The following HOOK2 variants were observed in gnomAD, a reference collection of about 807,000 sequenced individuals.
HOOK2 encodes protein Hook homolog 2.
HOOK2 carries 108 observed loss-of-function variants against 111.9 expected under a neutral mutation model. The observed-to-expected ratio is 0.96, with a 90% CI of 0.83 to 1.13. HOOK2 has a LOEUF of 1.13. Ranked by LOEUF, HOOK2 falls within the 50% of genes most tolerant of loss-of-function variation. The pLI, the probability that HOOK2 is intolerant of heterozygous loss-of-function variation, is 0.00. For synonymous variants in HOOK2, 405 were observed against 394.3 expected, an observed-to-expected ratio of 1.03 and a Z score of -0.32; for missense variants, 978 against 951.3, an observed-to-expected ratio of 1.03 and a Z score of -0.37.
rs1275895565 is a variant in HOOK2 at position 12,790,083 on chromosome 19, C to T, written n.42-15858G>A. 2.0e-5 allele frequency among the ~76,000 whole-genome samples: 3 copies of T among 151,918 alleles called. No individual in the cohort carries two copies. Among genetic ancestry groups the T allele is most frequent in the Non-Finnish European group, 4.4e-5 (3 of 67,932 alleles). On this transcript the variant is annotated intron_variant and non_coding_transcript_variant, in intron 3 of 3. Coordinates refer to the HOOK2 transcript ENST00000589765. This position sits in a 1 kb window ranked among gnomAD's most constrained non-coding sequence, Gnocchi z 7.2. ...CCGCCGTCGGGCCAATGGAACACTC[C>T]CCAAGCCGCCTGCCTCCGCGGTCCC...
intron 20 of HOOK2, among the ~76,000 whole-genome samples, chr19:12,764,078 A>G (rs1414547081): frequency 2.0e-5 from 3 of 151,886 alleles, no homozygotes; most frequent in Non-Finnish European, 4.4e-5. Context: ...GAAGTGGCGC[A>G]CTCTCAGCTC....
At chr19:12,766,798 T>C (rs1968165867) in intron 14 of HOOK2, among the ~76,000 whole-genome samples, 1 of 152,066 alleles carries the variant, frequency 6.6e-6, no homozygotes, top group South Asian at 2.1e-4. Flanking sequence ...TTAGCCAGGA[T>C]GGTCTCGATC....
Position 12,773,010 on chromosome 19 carries a change from A to G in HOOK2, c.239T>C (p.Val80Ala). Residue 80 changes from valine to alanine, a missense_variant, in exon 4 of 23, where the codon GTA becomes GCA. Val to Ala is a moderately conservative substitution (Grantham distance 64, BLOSUM62 0). Around this residue, in one of 5 missense-constraint regions of HOOK2, gnomAD observed 301 missense variants for 286.1 expected, o/e 1.05. Transcript: ENST00000397668. ...GTTACTCACATCCTGGGAGTACTCT[A>G]CTAGGCTCCGTAAGACCATCTTCAG... Reference protein sequence around the residue: ...SNLKMVLRSLVEYSQDVLAHP... With the variant: ...SNLKMVLRSLAEYSQDVLAHP... The G allele has an allele frequency of 6.2e-7, 1 of 1,614,086 alleles. No homozygotes were observed. The highest frequency in any genetic ancestry group is 8.5e-7 in the Non-Finnish European group (1 of 1,180,016).
At chr19:12,766,068 C>A (rs752054929) in intron 15 of HOOK2, 35 bp downstream of exon 15, 1 of 1,605,624 alleles carries the variant, frequency 6.2e-7, no homozygotes, top group African/African-American at 1.3e-5. Context: ...CCCCCTCTGT[C>A]CCTGCTCCGC....
upstream of HOOK2, among the ~76,000 whole-genome samples, chr19:12,781,290 A>G (rs1372064928): frequency 1.3e-5 from 2 of 150,040 alleles, no homozygotes; most frequent in East Asian, 2.0e-4. Flanking sequence ...GCGACAGAGC[A>G]AGACTCCGTC....
chr19:12,782,715 G>T (rs1478457027), upstream of HOOK2, among the ~76,000 whole-genome samples: 2 of 152,162 alleles, frequency 1.3e-5, no homozygotes, highest in Non-Finnish European at 2.9e-5. Context: ...GACCAGCCCC[G>T]CCCCGGCCGG....
Position 12,773,106 on chromosome 19 carries a change from C to T in HOOK2, c.205-62G>A, listed in dbSNP as rs544911330. Reference sequence around the variant, plus strand: ...GCCTCCCACTCTGAATCTGTAGGTCCCATCCTCTCTCCACCTCACTTCTCC... The same window carrying T: ...GCCTCCCACTCTGAATCTGTAGGTCTCATCCTCTCTCCACCTCACTTCTCC... On this transcript the variant is annotated intron_variant, in intron 3 of 22. Transcript: ENST00000397668. 15 of 1,495,698 alleles carry T rather than the reference C, an allele frequency of 1.0e-5. No individual in the cohort carries two copies. In the South Asian group the frequency reaches 1.6e-4, roughly 16 times the overall value. 92.7% of individuals were successfully genotyped at this position (1,495,698 alleles called of 1,614,324 possible).
In HOOK2 at chr19:12,767,810, T is replaced by G. The variant is rs774564386; in HGVS notation, c.1303+6A>C. On this transcript the variant is annotated splice_donor_region_variant and intron_variant, in intron 13 of 22. Transcript: ENST00000397668. Reference sequence around the variant, plus strand: ...GGTAAGACCCCGGGATGGGGCTTCATCTCACCGGCCTGGGTCAACCCCCGC... The same window carrying G: ...GGTAAGACCCCGGGATGGGGCTTCAGCTCACCGGCCTGGGTCAACCCCCGC... 1 of 1,600,596 alleles carries G rather than the reference T, an allele frequency of 6.2e-7. No individual in the cohort carries two copies. Among genetic ancestry groups the G allele is most frequent in the Admixed American group, 1.7e-5 (1 of 59,930 alleles).
At chr19:12,765,764 G>A in intron 17 of HOOK2, 40 bp from the exon 18 acceptor site, 2 of 1,614,200 alleles carry the variant, frequency 1.2e-6, no homozygotes, top group South Asian at 1.1e-5. Context: ...GGGATCCAGA[G>A]AGGCCCTAAT....
chr19:12,772,238 G>A lies in HOOK2; in HGVS notation c.471C>T (p.Asp157=). Residue 157 remains aspartate (D), a synonymous_variant, in exon 7 of 23, where the codon GAC becomes GAT. Transcript: ENST00000397668. Reference sequence around the variant, plus strand: ...TCTCTGGTGACAGGGAGTCAGGAGTGTCTTTGGTCATGAGCTGAGGAGTGG... The same window carrying A: ...TCTCTGGTGACAGGGAGTCAGGAGTATCTTTGGTCATGAGCTGAGGAGTGG... The part of the protein sequence containing the change: ...MEAIQELMTK[D]TPDSLSPETY... 6.2e-7 allele frequency: 1 copy of A among 1,614,078 alleles called. No individual in the cohort carries two copies. The highest frequency in any genetic ancestry group is 1.1e-5 in the South Asian group (1 of 91,090).
rs1011466366 is a variant in HOOK2, at chr19:12,790,168, C to A, written n.42-15943G>T. Among the ~76,000 whole-genome samples, 1 of 152,296 alleles carries A rather than the reference C, an allele frequency of 6.6e-6. No homozygotes were observed. Among genetic ancestry groups the A allele is most frequent in the Non-Finnish European group, 1.5e-5 (1 of 68,022 alleles). On this transcript the variant is annotated intron_variant and non_coding_transcript_variant, in intron 3 of 3. Coordinates refer to the HOOK2 transcript ENST00000589765. This position sits in a 1 kb window ranked among gnomAD's most constrained non-coding sequence, Gnocchi z 7.2. Reference sequence around the variant, plus strand: ...GGAGAGGATGGTGGCTGGAGGCTGCCGCGGCTGGGCGGGCTCCAAGCACCC... The same window carrying A: ...GGAGAGGATGGTGGCTGGAGGCTGCAGCGGCTGGGCGGGCTCCAAGCACCC...
chr19:12,775,642 G>A (rs1208199468), upstream of HOOK2: 3 of 422,828 alleles, frequency 7.1e-6, no homozygotes, highest in Non-Finnish European at 1.1e-5. Context: ...TCCTCCCTAC[G>A]CCCGCTCTTG....
chr19:12,766,820 T>C (rs1233502637), intron 14 of HOOK2, among the ~76,000 whole-genome samples: 1 of 152,182 alleles, frequency 6.6e-6, no homozygotes, highest in South Asian at 2.1e-4. Context: ...CCTGACCTTG[T>C]GATCCGCTCG....
At chr19:12,767,622 G>T (rs902104230) in intron 13 of HOOK2, among the ~76,000 whole-genome samples, 158 bp from the exon 14 acceptor site, 1 of 152,154 alleles carries the variant, frequency 6.6e-6, no homozygotes, top group African/African-American at 2.4e-5. Context: ...CGGGAGGGTT[G>T]GCCAAGCTTT....
intron 11 of HOOK2, 103 bp downstream of exon 11, chr19:12,769,778 G>C: frequency 7.2e-6 from 7 of 971,686 alleles, no homozygotes; most frequent in Non-Finnish European, 8.4e-6. Flanking sequence ...CGTGGCCTAC[G>C]TACAAATAAG....
Position 12,765,037 on chromosome 19 carries a change from T to C in HOOK2, c.1685A>G (p.Glu562Gly). The C allele has an allele frequency of 1.2e-6, 2 of 1,614,158 alleles. No homozygotes were observed. Among genetic ancestry groups the C allele is most frequent in the Non-Finnish European group, 1.7e-6 (2 of 1,180,014 alleles). ...GGGTGGCTCCAGCTCCTCAATGTAC[T>C]CCCGCTTCCTCTGCAACTCCAGATC... ...EADLELQRKR[E>G]YIEELEPPTD... Residue 562 changes from glutamate (E) to glycine (G), a missense_variant, in exon 19 of 23, where the codon GAG (glutamate) becomes GGG (glycine). Transcript: ENST00000397668.
At position 12,774,834 on chromosome 19, in the gene HOOK2, C is replaced by T. The variant is rs370981132; in HGVS notation, c.109G>A (p.Val37Ile). ...CACATCTGGTTCAGCACATAGGCTA[C>T]GGCAAGGCCGCTGCTCAGGTCCTGA... ...SPQDLSSGLA[V>I]AYVLNQIDPS... is the part of the protein sequence containing the mutation. The change falls in exon 2 of 23, where the codon GTA (valine) becomes ATA (isoleucine). Residue 37 changes from valine (V) to isoleucine (I), a missense_variant. By Grantham distance (29) the Val-to-Ile change is conservative. Around this residue, in one of 5 missense-constraint regions of HOOK2, gnomAD observed 301 missense variants for 286.1 expected, o/e 1.05. Transcript: ENST00000397668. The T allele has an allele frequency of 3.1e-6, 5 of 1,614,022 alleles. No homozygotes were observed. The highest frequency in any genetic ancestry group is 1.1e-5 in the South Asian group (1 of 91,076).
chr19:12,790,510 G>C lies in HOOK2; in HGVS notation n.42-16285C>G, dbSNP rs186524943. Among the ~76,000 whole-genome samples the C allele has an allele frequency of 6.6e-5, 10 of 152,326 alleles. No individual in the cohort carries two copies. Among genetic ancestry groups the C allele is most frequent in the Admixed American group, 6.5e-4 (10 of 15,300 alleles). On this transcript the variant is annotated intron_variant and non_coding_transcript_variant, in intron 3 of 3. Transcript: ENST00000589765. This position sits in a 1 kb window ranked among gnomAD's most constrained non-coding sequence, Gnocchi z 7.2. Reference sequence around the variant, plus strand: ...GGGGACAGAGAATACAGATGACTAAGAGGTTACCATCGAGGGGGAGCAGCA... The same window carrying C: ...GGGGACAGAGAATACAGATGACTAACAGGTTACCATCGAGGGGGAGCAGCA...
chr19:12,781,368 C>A (rs1968599918), upstream of HOOK2, among the ~76,000 whole-genome samples: 1 of 150,870 alleles, frequency 6.6e-6, no homozygotes, highest in Non-Finnish European at 1.5e-5. Flanking sequence ...GCTCTGTCGC[C>A]CAGTCTGGAA....
Sources: gnomAD v4.1 joint callset for allele counts (sites outside exome capture counted in the v4.1 genomes callset) on GRCh38, gnomAD v4.1.1 for gene constraint, gnomAD v4.1.1 regional missense constraint, Gnocchi (gnomAD v3.1) non-coding constraint, MANE v1.5 for transcripts, NCBI Gene and HGNC (gene_info 2026-07-23, HGNC 2026-07-21) for gene names.